Variants in SYPL1 observed in about 807,000 individuals in gnomAD.
SYPL1 encodes the protein synaptophysin like 1, also known as synaptophysin-like protein 1.
Under a neutral mutation model 23.7 loss-of-function variants are expected in SYPL1, and 6 were observed. The observed-to-expected ratio is 0.25, with a 90% CI of 0.14 to 0.50. SYPL1 has a LOEUF of 0.50. Ranked by LOEUF, SYPL1 falls within the 20% of genes least tolerant of loss-of-function variation. The pLI, the probability that SYPL1 is intolerant of heterozygous loss-of-function variation, is 0.98. For synonymous variants in SYPL1, 102 were observed against 104.5 expected, an observed-to-expected ratio of 0.98 and a Z score of 0.15; for missense variants, 253 against 288.9, an observed-to-expected ratio of 0.88 and a Z score of 0.90.
Position 106,097,972 on chromosome 7 carries a change from A to G in SYPL1, c.195-75T>C, listed in dbSNP as rs1840114513. 2.4e-6 allele frequency: 3 copies of G among 1,228,236 alleles called. No individual in the cohort carries two copies. Among genetic ancestry groups the G allele is most frequent in the Non-Finnish European group, 3.4e-6 (3 of 878,546 alleles). 76.1% of individuals were successfully genotyped at this position (1,228,236 alleles called of 1,614,324 possible). ...ACATTTAAGCAAAACAATGAGTGACACTTCAAAAAATACTCCCCAAATATA... is the reference window on the plus strand; with the variant it reads ...ACATTTAAGCAAAACAATGAGTGACGCTTCAAAAAATACTCCCCAAATATA... On this transcript the variant is annotated intron_variant, in intron 2 of 4. Transcript: ENST00000455385. The surrounding 1 kb of genome is among the most constrained non-coding windows in gnomAD (Gnocchi z 4.6).
chr7:106,107,093 G>A (rs181908643), intron 1 of SYPL1, among the ~76,000 whole-genome samples: 91 of 152,224 alleles, frequency 6.0e-4, no homozygotes, highest in African/African-American at 2.1e-3. Flanking sequence ...TTCAAAAATA[G>A]ATATAAAAGT....
At chr7:106,112,550 T>C, upstream of SYPL1, 1 of 1,498,676 alleles carries the variant, frequency 6.7e-7, no homozygotes, top group Non-Finnish European at 8.9e-7. Context: ...CCGCGCCCCC[T>C]TCCCTGCGGT....
chr7:106,098,099 A>C (rs1433712642), intron 2 of SYPL1, among the ~76,000 whole-genome samples: 1 of 152,252 alleles, frequency 6.6e-6, no homozygotes, highest in Non-Finnish European at 1.5e-5. Flanking sequence ...GTATTAGTTT[A>C]TGATACATTG....
chr7:106,107,002 T>A (rs1002666980), intron 1 of SYPL1, among the ~76,000 whole-genome samples: 2 of 152,244 alleles, frequency 1.3e-5, no homozygotes, highest in African/African-American at 4.8e-5. Flanking sequence ...CATTGCTATT[T>A]AATTTCATCA....
In SYPL1 at chr7:106,099,160, G is replaced by C; in HGVS notation, c.192C>G (p.Phe64Leu). The C allele has an allele frequency of 6.2e-7, 1 of 1,608,438 alleles. No individual in the cohort carries two copies. The highest frequency in any genetic ancestry group is 8.5e-7 in the Non-Finnish European group (1 of 1,178,612). The change falls in exon 2 of 5, where the codon TTC becomes TTG. Residue 64 changes from phenylalanine (F) to leucine (L), a missense_variant and splice_region_variant. Transcript: ENST00000455385. Reference protein sequence around the residue: ...KTVTATFGYPFRLNEASFQPP... With the variant: ...KTVTATFGYPLRLNEASFQPP... The stretch of plus-strand genomic sequence containing the variant: ...CCATTAAAATAAATATAACTCACCT[G>C]AATGGATAACCAAAAGTAGCTGTAA...
chr7:106,112,448 G>T (rs1163695148), upstream of SYPL1: 4 of 1,460,340 alleles, frequency 2.7e-6, no homozygotes, highest in African/African-American at 5.9e-5. Context: ...GGGCCGGGGC[G>T]GAGACCGGGA....
chr7:106,093,362 G>GA, intron 3 of SYPL1: 1 of 424,114 alleles, frequency 2.4e-6, no homozygotes. Flanking sequence ...CATCCCCTCA[G>GA]AAGTCTAAGA....
chr7:106,094,606 C>A (rs1839922071), intron 3 of SYPL1, among the ~76,000 whole-genome samples: 1 of 152,136 alleles, frequency 6.6e-6, no homozygotes, highest in Non-Finnish European at 1.5e-5. Context: ...ATACATTCTG[C>A]TGCAGGTAGA....
In SYPL1 at chr7:106,097,874, G is replaced by A. The variant is rs768362002; in HGVS notation, c.218C>T (p.Pro73Leu). The change falls in exon 3 of 5, where the codon CCA becomes CTA. Residue 73 changes from proline to leucine, a missense_variant. By Grantham distance (98) the Pro-to-Leu change is moderately conservative. Transcript: ENST00000455385. This position sits in a 1 kb window ranked among gnomAD's most constrained non-coding sequence, Gnocchi z 4.6. ...ATCACATATGTTTACACCTGGAGGT[G>A]GCTGAAATGATGCCTCATTCAACCT... ...PFRLNEASFQ[P>L]PPGVNICDVN... The A allele has an allele frequency of 9.3e-6, 15 of 1,612,374 alleles. No homozygotes were observed. Among genetic ancestry groups the A allele is most frequent in the African/African-American group, 1.3e-5 (1 of 74,900 alleles).
At chr7:106,093,784 C>T (rs1363389035) in intron 3 of SYPL1, among the ~76,000 whole-genome samples, 1 of 83,044 alleles carries the variant, frequency 1.2e-5, no homozygotes, top group Non-Finnish European at 3.4e-5. Flanking sequence ...AAAGCACACA[C>T]CAGAATGGTA....
rs1840179645 is a variant in SYPL1 at position 106,099,132 on chromosome 7, A to G, written c.194+26T>C. 5 of 1,589,114 alleles carry G rather than the reference A, an allele frequency of 3.1e-6. No homozygotes were observed. In the African/African-American group the frequency reaches 6.8e-5, roughly 22 times the overall value. ...CACTGTGAAAGTAAAAAGAGTTGTG[A>G]AACCATTAAAATAAATATAACTCAC... On this transcript the variant is annotated intron_variant, in intron 2 of 4. Coordinates refer to ENST00000455385, the MANE Select transcript of SYPL1 (RefSeq NM_182715.4).
intron 1 of SYPL1, among the ~76,000 whole-genome samples, chr7:106,111,138 T>G (rs1404143567): frequency 3.3e-5 from 5 of 152,184 alleles, no homozygotes; most frequent in African/African-American, 1.2e-4. Context: ...AAGTAGGAAA[T>G]CACATTAGGT....
In SYPL1 at chr7:106,095,362, T is replaced by C. The variant is rs1048687435; in HGVS notation, c.403-2225A>G. Among the ~76,000 whole-genome samples the C allele has an allele frequency of 3.0e-4, 45 of 151,806 alleles. No homozygotes were observed. The highest frequency in any genetic ancestry group is 1.9e-3 in the East Asian group (10 of 5,178). On this transcript the variant is annotated intron_variant, in intron 3 of 4. Transcript: ENST00000455385. The surrounding 1 kb of genome is among the most constrained non-coding windows in gnomAD (Gnocchi z 4.3). ...CTCAAAAAAAACCTTTTTTTTTTTT[T>C]CCCCTGAGATGGAGTCTTGCTCTGT... is the stretch of plus-strand genomic sequence containing the variant.
At chr7:106,108,184 T>G (rs1181065683) in intron 1 of SYPL1, among the ~76,000 whole-genome samples, 1 of 152,294 alleles carries the variant, frequency 6.6e-6, no homozygotes, top group South Asian at 2.1e-4. Flanking sequence ...AGACAGAGAC[T>G]ATATTTTTAA....
In SYPL1 at chr7:106,097,076, T is replaced by C. The variant is rs553846361; in HGVS notation, c.402+614A>G. Among the ~76,000 whole-genome samples, 64 of 152,146 alleles carry C rather than the reference T, an allele frequency of 4.2e-4. No homozygotes were observed. Among genetic ancestry groups the C allele is most frequent in the African/African-American group, 1.4e-3 (60 of 41,510 alleles). ...CAAAAATACACAAAAAGTAACTGAGTATGGTGGCTTGTGACTGTAGTCCCA... is the reference window on the plus strand; with the variant it reads ...CAAAAATACACAAAAAGTAACTGAGCATGGTGGCTTGTGACTGTAGTCCCA... On this transcript the variant is annotated intron_variant, in intron 3 of 4. Transcript: ENST00000455385. The surrounding 1 kb of genome is among the most constrained non-coding windows in gnomAD (Gnocchi z 4.6).
At chr7:106,101,907 G>A (rs1489204615) in intron 1 of SYPL1, among the ~76,000 whole-genome samples, 1 of 151,992 alleles carries the variant, frequency 6.6e-6, no homozygotes, top group Admixed American at 6.6e-5. Flanking sequence ...GATCACGGAG[G>A]AAAGGAATGT....
rs567306077 is a variant in SYPL1 at position 106,096,676 on chromosome 7, C to G, written c.402+1014G>C. Among the ~76,000 whole-genome samples the G allele has an allele frequency of 2.6e-5, 4 of 152,240 alleles. No homozygotes were observed. The highest frequency in any genetic ancestry group is 3.4e-3 in the Middle Eastern group (1 of 294). ...TCAAATCTAAGTCCTTTGTTGATACCTCAAAGATTCAAAATTAGTTCATGG... is the reference window on the plus strand; with the variant it reads ...TCAAATCTAAGTCCTTTGTTGATACGTCAAAGATTCAAAATTAGTTCATGG... On this transcript the variant is annotated intron_variant, in intron 3 of 4. Coordinates refer to ENST00000455385, the MANE Select transcript of SYPL1 (RefSeq NM_182715.4). This position sits in a 1 kb window ranked among gnomAD's most constrained non-coding sequence, Gnocchi z 4.4.
At chr7:106,098,632 G>A (rs981429117) in intron 2 of SYPL1, among the ~76,000 whole-genome samples, 2 of 152,204 alleles carry the variant, frequency 1.3e-5, no homozygotes, top group Non-Finnish European at 2.9e-5. Context: ...AATGGATACT[G>A]ATGTCAAACA....
chr7:106,099,121 A>G (rs1585938195), intron 2 of SYPL1, 37 bp downstream of exon 2: 2 of 1,581,894 alleles, frequency 1.3e-6, no homozygotes, highest in Non-Finnish European at 1.7e-6. Context: ...GTGAAAGTAA[A>G]AAGAGTTGTG....
Sources: allele counts gnomAD v4.1 joint callset (sites outside exome capture counted in the v4.1 genomes callset), GRCh38; gene constraint gnomAD v4.1.1; non-coding constraint Gnocchi (gnomAD v3.1); transcripts MANE v1.5; gene names NCBI Gene and HGNC (gene_info 2026-07-23, HGNC 2026-07-21).